Variants in KNTC1 observed in about 807,000 individuals in gnomAD.
KNTC1 encodes the protein kinetochore-associated protein 1.
In KNTC1, 253 loss-of-function variants were observed where a neutral mutation model predicts 314.4. The observed-to-expected ratio is 0.80, with a 90% CI of 0.73 to 0.89. KNTC1 has a LOEUF of 0.89. KNTC1 is among the 40% of genes least tolerant of loss of function. The pLI, the probability that KNTC1 is intolerant of heterozygous loss-of-function variation, is 0.00. For missense variants in KNTC1, 2,475 were observed against 2,572.9 expected (o/e 0.96, Z 0.82); for synonymous variants, 901 against 901.4 (o/e 1.00, Z 0.01).
intron 45 of KNTC1, 83 bp from the exon 46 acceptor site, chr12:122,602,486 T>C: frequency 1.2e-6 from 1 of 818,624 alleles, no homozygotes; most frequent in Non-Finnish European, 1.9e-6. Context: ...ATGGAAACTT[T>C]TGATGGTATA....
chr12:122,564,183 G>A (rs1964158356), intron 20 of KNTC1, among the ~76,000 whole-genome samples: 2 of 151,994 alleles, frequency 1.3e-5, no homozygotes, highest in South Asian at 4.2e-4. Flanking sequence ...TCACCATGTT[G>A]GCCAGGCTGG....
chr12:122,582,109 A>G (rs947274174), intron 33 of KNTC1, among the ~76,000 whole-genome samples: 11 of 152,186 alleles, frequency 7.2e-5, no homozygotes, highest in Non-Finnish European at 1.6e-4. Context: ...AGCTGTAAAT[A>G]GCTTTCTCTG....
In KNTC1 at chr12:122,591,410, T is replaced by TC. The variant is rs1870183522; in HGVS notation, c.4203dup (p.Ser1402GlnfsTer3). 1.9e-6 allele frequency: 3 copies of TC among 1,609,954 alleles called. No homozygotes were observed. Reference sequence around the variant, plus strand: ...GAAATGGGGCTTAAGTTCCGTGAACTCAGTACTGATGCCCAGTGGGGCATT... The same window carrying TC: ...GAAATGGGGCTTAAGTTCCGTGAACTCCAGTACTGATGCCCAGTGGGGCATT... On this transcript the variant is annotated frameshift_variant, in exon 42 of 64. Transcript: ENST00000333479.
At chr12:122,541,058 T>C (rs1359168078) in intron 5 of KNTC1, among the ~76,000 whole-genome samples, 1 of 151,966 alleles carries the variant, frequency 6.6e-6, no homozygotes, top group East Asian at 1.9e-4. Context: ...GTAGTCCCAC[T>C]TTCTCAGGAG....
At chr12:122,625,491 C>T (rs1475133237) in intron 63 of KNTC1, among the ~76,000 whole-genome samples, 1 of 151,558 alleles carries the variant, frequency 6.6e-6, no homozygotes, top group Non-Finnish European at 1.5e-5. Context: ...TGCTTGAACC[C>T]AGGAGTCAGA....
Position 122,602,608 on chromosome 12 carries a change from A to G in KNTC1, c.4693A>G (p.Ile1565Val). ...ILKHLKSYRR[I>V]SPPVDLEYQY... ...GAAACATTTGAAGTCATACAGAAGA[A>G]TTTCTCCTCCCGTGGATCTAGAATA... is the stretch of plus-strand genomic sequence containing the variant. Residue 1565 changes from isoleucine to valine, a missense_variant, in exon 46 of 64, where the codon ATT (isoleucine) becomes GTT (valine). Ile to Val is a conservative substitution (Grantham distance 29). Transcript: ENST00000333479. 1 of 1,612,098 alleles carries G rather than the reference A, an allele frequency of 6.2e-7. No individual in the cohort carries two copies. The highest frequency in any genetic ancestry group is 1.3e-5 in the African/African-American group (1 of 74,986).
Position 122,550,169 on chromosome 12 carries a change from A to ACATATTTATATAACTAATTTT in KNTC1, c.1086+314_1086+315insATAACTAATTTTCATATTTAT, listed in dbSNP as rs1555224136. 5.9e-5 allele frequency among the ~76,000 whole-genome samples: 9 copies of ACATATTTATATAACTAATTTT among 151,614 alleles called. No homozygotes were observed. In the South Asian group the frequency reaches 1.9e-3, roughly 32 times the overall value. Reference sequence around the variant, plus strand: ...ATGGGAGATGGAGACTATTGCTGTTACATATTTATGTAACTAATTTACATA... The same window carrying ACATATTTATATAACTAATTTT: ...ATGGGAGATGGAGACTATTGCTGTTACATATTTATATAACTAATTTTCATATTTATGTAACTAATTTACATA... On this transcript the variant is annotated intron_variant, in intron 13 of 63. Coordinates refer to ENST00000333479, the MANE Select transcript of KNTC1 (RefSeq NM_014708.6).
chr12:122,561,888 C>A (rs1963999412), intron 18 of KNTC1, 33 bp from the exon 19 acceptor site: 8 of 1,490,602 alleles, frequency 5.4e-6, no homozygotes, highest in Non-Finnish European at 6.5e-6. Flanking sequence ...AGTAGATATT[C>A]TTCTAACTGT....
chr12:122,571,160 C>T, intron 24 of KNTC1, 34 bp downstream of exon 24: 1 of 1,476,712 alleles, frequency 6.8e-7, no homozygotes, highest in Admixed American at 1.7e-5. Context: ...AGTAATGAAA[C>T]AGTCAGTTTA....
At chr12:122,613,868 T>A in intron 55 of KNTC1, 107 bp downstream of exon 55, 1 of 1,166,022 alleles carries the variant, frequency 8.6e-7, no homozygotes, top group Non-Finnish European at 1.1e-6. Flanking sequence ...GGGGACAGAG[T>A]TTTGCTCTGT....
At position 122,613,651 on chromosome 12, in the gene KNTC1, C is replaced by T. The variant is rs1228794779; in HGVS notation, c.5767C>T (p.Leu1923=). Residue 1923 remains leucine, a synonymous_variant, in exon 55 of 64, where the codon CTG becomes TTG. Coordinates refer to ENST00000333479, the MANE Select transcript of KNTC1 (RefSeq NM_014708.6). ...ATCTTATTTGAGATGTATAACTTTT[C>T]TGGCATCATTTGAGACTTTGAATAT... ...VKSYLRCITF[L]ASFETLNIPI... 1 of 1,609,506 alleles carries T rather than the reference C, an allele frequency of 6.2e-7. No homozygotes were observed. The highest frequency in any genetic ancestry group is 2.2e-5 in the East Asian group (1 of 44,704).
At chr12:122,602,337 CCAA>C (rs1409230210) in intron 45 of KNTC1, 3 of 347,976 alleles carry the variant, frequency 8.6e-6, no homozygotes, top group Non-Finnish European at 1.5e-5. Context: ...AAAACATCTA[CCAA>C]CAACAGGGCA....
At chr12:122,622,903 G>A (rs1045679422) in intron 62 of KNTC1, among the ~76,000 whole-genome samples, 2 of 151,630 alleles carry the variant, frequency 1.3e-5, no homozygotes, top group South Asian at 2.1e-4. Context: ...AGCCGAGATC[G>A]CACCATTGCA....
intron 27 of KNTC1, among the ~76,000 whole-genome samples, chr12:122,574,821 G>A (rs561186139): frequency 6.6e-6 from 1 of 152,258 alleles, no homozygotes; most frequent in South Asian, 2.1e-4. Context: ...GCTTTTCTGT[G>A]GTTATGCAAA....
At chr12:122,589,729 C>T (rs1396445693) in intron 40 of KNTC1, among the ~76,000 whole-genome samples, 1 of 150,982 alleles carries the variant, frequency 6.6e-6, no homozygotes, top group South Asian at 2.1e-4. Context: ...ACCTTGGTCT[C>T]CTGAAATGCT....
chr12:122,537,446 T>G (rs1055082368), intron 3 of KNTC1, among the ~76,000 whole-genome samples: 3 of 150,192 alleles, frequency 2.0e-5, no homozygotes, highest in Non-Finnish European at 3.0e-5. Context: ...TGAGACGGAG[T>G]CTGGCTCTGT....
Position 122,577,045 on chromosome 12 carries a change from G to A in KNTC1, c.2721+16G>A. On this transcript the variant is annotated intron_variant, in intron 30 of 63. Coordinates refer to ENST00000333479, the MANE Select transcript of KNTC1 (RefSeq NM_014708.6). ...TAGAGAACAGGTTTGTAAGTTTTAT[G>A]TTGTCATTTCATATGGCTTCTTTGT... is the stretch of plus-strand genomic sequence containing the variant. 1 of 1,484,754 alleles carries A rather than the reference G, an allele frequency of 6.7e-7. No individual in the cohort carries two copies. Among genetic ancestry groups the A allele is most frequent in the Non-Finnish European group, 8.9e-7 (1 of 1,119,380 alleles). 92.0% of individuals were successfully genotyped at this position (1,484,754 alleles called of 1,614,324 possible).
At chr12:122,571,162 G>A in intron 24 of KNTC1, 36 bp downstream of exon 24, 1 of 1,469,668 alleles carries the variant, frequency 6.8e-7, no homozygotes, top group Non-Finnish European at 9.5e-7. Context: ...TAATGAAACA[G>A]TCAGTTTACC....
chr12:122,596,276 T>C (rs1871036827), intron 43 of KNTC1, among the ~76,000 whole-genome samples: 1 of 151,418 alleles, frequency 6.6e-6, no homozygotes, highest in African/African-American at 2.4e-5. Flanking sequence ...AGAGACCGGG[T>C]TTCACCATGT....
Sources: allele counts gnomAD v4.1 joint callset (sites outside exome capture counted in the v4.1 genomes callset), GRCh38; gene constraint gnomAD v4.1.1; transcripts MANE v1.5; gene names NCBI Gene and HGNC (gene_info 2026-07-23, HGNC 2026-07-21).